Variants in BABAM1 observed in about 807,000 individuals in gnomAD.
The protein encoded by BABAM1 is BRISC and BRCA1 A complex member 1, also known as BRISC and BRCA1-A complex member 1.
BABAM1 carries 14 observed loss-of-function variants against 34.4 expected under a neutral mutation model. The observed-to-expected ratio is 0.41, with a 90% CI of 0.27 to 0.64. The LOEUF (loss-of-function observed/expected upper bound fraction) is 0.64, where lower values mean the gene tolerates loss of function less well. BABAM1 is among the 30% of genes least tolerant of loss of function. The pLI is 0.34. For synonymous variants in BABAM1, 169 were observed against 165.8 expected, an observed-to-expected ratio of 1.02 and a Z score of -0.15; for missense variants, 393 against 434.0, an observed-to-expected ratio of 0.91 and a Z score of 0.84.
rs2073914991 is a variant in BABAM1 at position 17,276,818 on chromosome 19, T to G, written c.700-5T>G. 6.2e-7 allele frequency: 1 copy of G among 1,601,236 alleles called. No individual in the cohort carries two copies. Among genetic ancestry groups the G allele is most frequent in the African/African-American group, 1.3e-5 (1 of 74,840 alleles). On this transcript the variant is annotated splice_polypyrimidine_tract_variant and splice_region_variant and intron_variant, in intron 7 of 8. Coordinates refer to ENST00000598188, the MANE Select transcript of BABAM1 (RefSeq NM_014173.4). ...AGAGGCTGGTGTTCTTTACTTCCCC[T>G]GCAGAAAATGTTCCAGTGCCCATAT...
chr19:17,271,647 G>A lies in BABAM1; in HGVS notation c.336G>A (p.Ser112=), dbSNP rs768884202. The A allele has an allele frequency of 1.1e-5, 17 of 1,613,592 alleles. No individual in the cohort carries two copies. The highest frequency in any genetic ancestry group is 6.7e-5 in the Admixed American group (4 of 59,956). ...SEEMSLPKLE[S]FNGSKTNALN... Reference sequence around the variant, plus strand: ...AAATGTCACTGCCAAAGCTGGAGTCGTTCAACGGGTAAGAGGGACATTTTA... The same window carrying A: ...AAATGTCACTGCCAAAGCTGGAGTCATTCAACGGGTAAGAGGGACATTTTA... Residue 112 remains serine (S), a synonymous_variant, in exon 3 of 9, where the codon TCG becomes TCA. Transcript: ENST00000598188.
At chr19:17,270,437 G>C (rs906161701) in intron 2 of BABAM1, among the ~76,000 whole-genome samples, 2 of 151,794 alleles carry the variant, frequency 1.3e-5, no homozygotes, top group Non-Finnish European at 2.9e-5. Context: ...CTCCTATAAG[G>C]ACACTTGTCA....
chr19:17,268,650 A>T (rs986516922), intron 1 of BABAM1, 144 bp from the exon 2 acceptor site: 1 of 882,456 alleles, frequency 1.1e-6, no homozygotes, highest in Admixed American at 3.1e-5. Context: ...GCTGGTCTCG[A>T]ACTTCCAACC....
intron 6 of BABAM1, 102 bp downstream of exon 6, chr19:17,275,927 C>A: frequency 7.5e-7 from 1 of 1,337,436 alleles, no homozygotes; most frequent in Non-Finnish European, 1.1e-6. Flanking sequence ...AGCCTTAAAG[C>A]CTCCTCCCTT....
At chr19:17,275,858 T>C (rs1391384166) in intron 6 of BABAM1, 33 bp downstream of exon 6, 1 of 1,604,830 alleles carries the variant, frequency 6.2e-7, no homozygotes, top group East Asian at 2.2e-5. Context: ...CTTATTCACC[T>C]TCAAAGAGAA....
intron 1 of BABAM1, among the ~76,000 whole-genome samples, 159 bp downstream of exon 1, chr19:17,267,686 C>T (rs1419574569): frequency 6.6e-6 from 1 of 152,224 alleles, no homozygotes; most frequent in South Asian, 2.1e-4. Flanking sequence ...CCTTGTTTTT[C>T]TTAGAGGTGT....
intron 8 of BABAM1, chr19:17,277,516 T>TGC (rs2073924611): frequency 6.5e-6 from 1 of 153,654 alleles, no homozygotes; most frequent in Non-Finnish European, 1.4e-5. Flanking sequence ...CTTCCCTTTC[T>TGC]TCCTGCCTTT....
rs1385630480 is a variant in BABAM1 at position 17,278,941 on chromosome 19, A to T, written c.883A>T (p.Met295Leu). ...GCCAGCCCTGGAGTTGCACAACTGC[A>T]TGGCGAAACTGTTGGCCCACCCCCT... The part of the protein sequence containing the change: ...AGPALELHNC[M>L]AKLLAHPLQR... The change falls in exon 9 of 9, where the codon ATG becomes TTG. Residue 295 changes from methionine to leucine, a missense_variant. Transcript: ENST00000598188. The T allele has an allele frequency of 6.2e-7, 1 of 1,613,396 alleles. No homozygotes were observed. Among genetic ancestry groups the T allele is most frequent in the East Asian group, 2.2e-5 (1 of 44,882 alleles).
chr19:17,271,981 C>T (rs2073846666), intron 3 of BABAM1, among the ~76,000 whole-genome samples: 1 of 152,152 alleles, frequency 6.6e-6, no homozygotes, highest in Admixed American at 6.6e-5. Context: ...CGCTCTCTTG[C>T]CTAGGCTGGA....
intron 2 of BABAM1, among the ~76,000 whole-genome samples, chr19:17,269,481 G>C (rs2073812846): frequency 6.6e-6 from 1 of 151,520 alleles, no homozygotes; most frequent in Non-Finnish European, 1.5e-5. Flanking sequence ...CTCCCGAGCA[G>C]CTGGGATTAC....
At chr19:17,275,391 A>G (rs987169330) in intron 5 of BABAM1, among the ~76,000 whole-genome samples, 8 of 152,082 alleles carry the variant, frequency 5.3e-5, no homozygotes, top group African/African-American at 1.9e-4. Flanking sequence ...CCCGAGTTCA[A>G]GCAATTTTCC....
intron 8 of BABAM1, chr19:17,277,219 T>G (rs1323540040): frequency 1.2e-5 from 2 of 171,224 alleles, no homozygotes; most frequent in Non-Finnish European, 2.2e-5. Flanking sequence ...TTTTTTTTTT[T>G]GAGACAGAGT....
chr19:17,268,526 T>G (rs1599487396), intron 1 of BABAM1: 4 of 252,436 alleles, frequency 1.6e-5, no homozygotes, highest in Admixed American at 1.1e-4. Context: ...CCCTCCCGGG[T>G]TCAAGCGATT....
At chr19:17,276,345 G>A (rs1322450323) in intron 6 of BABAM1, 150 bp from the exon 7 acceptor site, 9 of 1,236,342 alleles carry the variant, frequency 7.3e-6, no homozygotes, top group African/African-American at 1.5e-5. Context: ...AGAGGGAACC[G>A]CTTATGGGAT....
At chr19:17,273,322 C>T (rs1275535935) in intron 3 of BABAM1, among the ~76,000 whole-genome samples, 1 of 152,088 alleles carries the variant, frequency 6.6e-6, no homozygotes. Flanking sequence ...ACCTTCTTCC[C>T]CTCAGTGGCA....
intron 8 of BABAM1, among the ~76,000 whole-genome samples, chr19:17,277,881 A>C (rs563295827): frequency 6.1e-4 from 93 of 152,136 alleles, no homozygotes; most frequent in African/African-American, 2.1e-3. Context: ...CCCTGTGTCA[A>C]AAAATAAAAA....
chr19:17,275,418 G>A (rs1268593999), intron 5 of BABAM1, among the ~76,000 whole-genome samples: 1 of 152,282 alleles, frequency 6.6e-6, no homozygotes, highest in East Asian at 1.9e-4. Context: ...AGCCTCCCAA[G>A]TAGCTGGGAT....
In BABAM1 at chr19:17,279,155, G is replaced by C; in HGVS notation, c.*107G>C. 1 of 1,202,062 alleles carries C rather than the reference G, an allele frequency of 8.3e-7. No homozygotes were observed. The highest frequency in any genetic ancestry group is 1.2e-6 in the Non-Finnish European group (1 of 859,510). The allele number at this position is 1,202,062 out of a possible 1,614,324, so 74.5% of individuals were successfully genotyped here. A position where few individuals can be genotyped will look rare whatever the true frequency, so the allele number is the denominator to read the frequency against. ...CCTCCGGGGTGGGGGGGTTCCAGGAGGCACGTAGGGTACCTTGCAGGGTCC... is the reference window on the plus strand; with the variant it reads ...CCTCCGGGGTGGGGGGGTTCCAGGACGCACGTAGGGTACCTTGCAGGGTCC... On this transcript the variant is annotated 3_prime_UTR_variant, in exon 9 of 9. Transcript: ENST00000598188.
In BABAM1 at chr19:17,273,978, A is replaced by G; in HGVS notation, c.419A>G (p.Lys140Arg). ...MFVRTKHKID[K>R]SHEFALVVVN... ...GTGCGGACAAAACACAAGATCGACA[A>G]AAGCCACGAGTTTGCACTGGTGGTG... is the stretch of plus-strand genomic sequence containing the variant. Residue 140 changes from lysine to arginine, a missense_variant, in exon 4 of 9, where the codon AAA becomes AGA. Lys to Arg is a conservative substitution (Grantham distance 26). Transcript: ENST00000598188. 6.2e-7 allele frequency: 1 copy of G among 1,613,884 alleles called. No homozygotes were observed. Among genetic ancestry groups the G allele is most frequent in the Non-Finnish European group, 8.5e-7 (1 of 1,179,862 alleles).
Sources: gnomAD v4.1 joint callset for allele counts (sites outside exome capture counted in the v4.1 genomes callset) on GRCh38, gnomAD v4.1.1 for gene constraint, MANE v1.5 for transcripts, NCBI Gene and HGNC (gene_info 2026-07-23, HGNC 2026-07-21) for gene names.